Variants in STIMATE observed in about 807,000 individuals in gnomAD.
STIMATE encodes store-operated calcium entry regulator STIMATE.
A neutral mutation model predicts 36.7 loss-of-function variants in STIMATE; 15 were observed. The ratio of observed to expected loss-of-function variants is 0.41; its 90% CI spans 0.27 to 0.63. The LOEUF is 0.63. Among genes scored for constraint, STIMATE ranks in the 20% least tolerant of loss-of-function variants. The probability of loss-of-function intolerance (pLI) is 0.32; values close to 1 mark genes in which losing one functional copy is unlikely to be tolerated. For missense variants in STIMATE, 305 were observed against 397.3 expected (o/e 0.77, Z 1.98); for synonymous variants, 163 against 162.3 (o/e 1.00, Z -0.03).
intron 1 of STIMATE, among the ~76,000 whole-genome samples, chr3:52,881,797 T>C (rs1017477179): frequency 5.9e-5 from 9 of 152,242 alleles, no homozygotes; most frequent in African/African-American, 2.2e-4. Context: ...ATCCAATTGA[T>C]AAGCCCAATA....
chr3:52,896,880 C>G (rs1315162520), intron 1 of STIMATE, among the ~76,000 whole-genome samples: 1 of 152,048 alleles, frequency 6.6e-6, no homozygotes, highest in African/African-American at 2.4e-5. Flanking sequence ...AGTGAAGGGG[C>G]AGAAAAGAGC....
At chr3:52,888,006 T>TTTTTTTTG (rs1701721175) in intron 1 of STIMATE, among the ~76,000 whole-genome samples, 3 of 123,860 alleles carry the variant, frequency 2.4e-5, no homozygotes, top group African/African-American at 8.3e-5. Context: ...TTTTTTTTTT[T>TTTTTTTTG]TTTTTTTTTT....
chr3:52,847,553 T>C (rs1455762589), intron 4 of STIMATE: 1 of 1,289,758 alleles, frequency 7.8e-7, no homozygotes, highest in South Asian at 1.2e-5. Context: ...CCTTCTCTTC[T>C]AGGAACAAAA....
At chr3:52,845,029 A>G in intron 4 of STIMATE, 88 bp from the exon 5 acceptor site, 1 of 1,381,696 alleles carries the variant, frequency 7.2e-7, no homozygotes, top group South Asian at 1.3e-5. Flanking sequence ...CACGCACCCC[A>G]GAACACTGGC....
chr3:52,882,617 C>T lies in STIMATE; in HGVS notation c.160+14674G>A, dbSNP rs539770146. On this transcript the variant is annotated intron_variant, in intron 1 of 7. Coordinates refer to ENST00000355083, the MANE Select transcript of STIMATE (RefSeq NM_198563.5). ...TTCAAGGTAGGAAAAAAGAACAAGG[C>T]ACTAGAAGTAGTCACCACAGTGTTT... Among the ~76,000 whole-genome samples the T allele has an allele frequency of 4.6e-5, 7 of 152,308 alleles. No homozygotes were observed. In the South Asian group the frequency reaches 6.2e-4, roughly 14 times the overall value.
intron 1 of STIMATE, among the ~76,000 whole-genome samples, chr3:52,861,730 C>T (rs2106686980): frequency 6.6e-6 from 1 of 152,302 alleles, no homozygotes; most frequent in Admixed American, 6.5e-5. Context: ...CGGGGCTGAG[C>T]CATCCCTGTC....
chr3:52,850,109 G>A (rs1348739365), intron 3 of STIMATE, among the ~76,000 whole-genome samples, 196 bp from the exon 4 acceptor site: 1 of 152,214 alleles, frequency 6.6e-6, no homozygotes, highest in Non-Finnish European at 1.5e-5. Flanking sequence ...CCACCTGAGG[G>A]AGGTGAGTGA....
At chr3:52,842,240 T>C (rs1176814131) in intron 7 of STIMATE, among the ~76,000 whole-genome samples, 1 of 152,200 alleles carries the variant, frequency 6.6e-6, no homozygotes, top group South Asian at 2.1e-4. Context: ...GGGTGAGTGC[T>C]GCGGGGCCGC....
intron 4 of STIMATE, chr3:52,848,700 A>C (rs1700947600): frequency 6.6e-6 from 1 of 152,196 alleles, no homozygotes; most frequent in African/African-American, 2.4e-5. Flanking sequence ...TTGGGTGCCC[A>C]TTCTATAAAT....
chr3:52,875,964 C>T (rs1260746840), intron 1 of STIMATE, among the ~76,000 whole-genome samples: 1 of 152,184 alleles, frequency 6.6e-6, no homozygotes, highest in Non-Finnish European at 1.5e-5. Context: ...GACAGGCTCA[C>T]CTGACATGAT....
In STIMATE at chr3:52,856,985, G is replaced by C. The variant is rs150141134; in HGVS notation, c.161-1541C>G. 7.2e-5 allele frequency among the ~76,000 whole-genome samples: 11 copies of C among 152,332 alleles called. No individual in the cohort carries two copies. In the East Asian group the frequency reaches 2.1e-3, roughly 29 times the overall value. Reference sequence around the variant, plus strand: ...ACAGAAAAGTACCAAGGAAGAAACAGATGCTGTTGCAAGCCCACAGAAGAT... The same window carrying C: ...ACAGAAAAGTACCAAGGAAGAAACACATGCTGTTGCAAGCCCACAGAAGAT... On this transcript the variant is annotated intron_variant, in intron 1 of 7. Coordinates refer to ENST00000355083, the MANE Select transcript of STIMATE (RefSeq NM_198563.5).
chr3:52,873,172 G>T (rs765241911), intron 1 of STIMATE, among the ~76,000 whole-genome samples: 1 of 152,272 alleles, frequency 6.6e-6, no homozygotes, highest in Non-Finnish European at 1.5e-5. Flanking sequence ...CTGAACACAG[G>T]CCTCCTTGAA....
intron 6 of STIMATE, 28 bp from the exon 7 acceptor site, chr3:52,842,988 T>A (rs772204571): frequency 1.2e-6 from 2 of 1,613,946 alleles, no homozygotes; most frequent in Middle Eastern, 1.6e-4. Flanking sequence ...GCAGGTTACT[T>A]TGGGATAAAC....
At chr3:52,844,621 G>A (rs1022376836) in intron 5 of STIMATE, among the ~76,000 whole-genome samples, 2 of 152,258 alleles carry the variant, frequency 1.3e-5, no homozygotes, top group Non-Finnish European at 2.9e-5. Context: ...TACATCCCAA[G>A]GCTTCATCTA....
intron 1 of STIMATE, among the ~76,000 whole-genome samples, chr3:52,873,329 T>C (rs1018819497): frequency 7.9e-5 from 12 of 152,238 alleles, no homozygotes; most frequent in Admixed American, 4.6e-4. Flanking sequence ...TAAACACATA[T>C]GCAACCTTAA....
intron 1 of STIMATE, among the ~76,000 whole-genome samples, chr3:52,878,123 C>G (rs1423351153): frequency 6.6e-6 from 1 of 150,778 alleles, no homozygotes; most frequent in Admixed American, 6.6e-5. Flanking sequence ...GACAGGTAAT[C>G]ACCTCCCCTA....
chr3:52,858,377 T>C (rs553768998), intron 1 of STIMATE, among the ~76,000 whole-genome samples: 1 of 152,200 alleles, frequency 6.6e-6, no homozygotes, highest in African/African-American at 2.4e-5. Context: ...GGCTCACACC[T>C]GTAATCCAAA....
intron 1 of STIMATE, among the ~76,000 whole-genome samples, chr3:52,869,214 T>C (rs1371624059): frequency 6.6e-6 from 1 of 152,234 alleles, no homozygotes; most frequent in African/African-American, 2.4e-5. Context: ...CCCTTTGCCT[T>C]AGCAAGTCCT....
intron 1 of STIMATE, among the ~76,000 whole-genome samples, chr3:52,888,448 A>G (rs1309087972): frequency 1.3e-4 from 20 of 152,152 alleles, no homozygotes; most frequent in Non-Finnish European, 1.9e-4. Flanking sequence ...TCTGTACCCA[A>G]ATAGAAAGCT....
Sources: gnomAD v4.1 joint callset for allele counts (sites outside exome capture counted in the v4.1 genomes callset) on GRCh38, gnomAD v4.1.1 for gene constraint, MANE v1.5 for transcripts, NCBI Gene and HGNC (gene_info 2026-07-23, HGNC 2026-07-21) for gene names.